Variants in CELF4 observed in about 807,000 individuals in gnomAD.
CELF4 encodes CUG-BP- and ETR-3-like factor 4.
Under a neutral mutation model 59.9 loss-of-function variants are expected in CELF4, and 18 were observed. The observed-to-expected ratio is 0.30, with a 90% CI of 0.21 to 0.45. The LOEUF (loss-of-function observed/expected upper bound fraction) is 0.45. Among genes scored for constraint, CELF4 ranks in the 20% least tolerant of loss-of-function variants. The pLI is 1.00. For missense variants in CELF4, 456 were observed against 689.0 expected (o/e 0.66, Z 3.79); for synonymous variants, 261 against 267.1 (o/e 0.98, Z 0.22).
chr18:37,400,813 T>C (rs768395247), intron 2 of CELF4, among the ~76,000 whole-genome samples: 48 of 152,238 alleles, frequency 3.2e-4, no homozygotes, highest in Admixed American at 2.0e-3. Flanking sequence ...ATGATGTTCT[T>C]TGTTTATGAG....
chr18:37,500,847 C>A (rs778595948), intron 1 of CELF4, among the ~76,000 whole-genome samples: 3 of 152,228 alleles, frequency 2.0e-5, no homozygotes, highest in Non-Finnish European at 2.9e-5. Flanking sequence ...TTCTTTAGAA[C>A]CTTTCTGTGT....
At chr18:37,522,866 C>T (rs2099959180) in intron 1 of CELF4, among the ~76,000 whole-genome samples, 1 of 152,166 alleles carries the variant, frequency 6.6e-6, no homozygotes, top group Admixed American at 6.5e-5. Context: ...TGCATTGTCT[C>T]CTTCCCTACC....
At chr18:37,322,123 C>A (rs2097145698) in intron 2 of CELF4, among the ~76,000 whole-genome samples, 1 of 152,238 alleles carries the variant, frequency 6.6e-6, no homozygotes. Context: ...CTTTGAGATG[C>A]CTCCTCCTCC....
chr18:37,456,549 A>G (rs982564398), intron 2 of CELF4, among the ~76,000 whole-genome samples: 7 of 152,138 alleles, frequency 4.6e-5, no homozygotes, highest in Non-Finnish European at 8.8e-5. Context: ...CATGATGAAC[A>G]TGACTCCCTT....
intron 2 of CELF4, among the ~76,000 whole-genome samples, chr18:37,345,579 GGGCAGACTTTCCTATGGGTGGAGT>G (rs1396943988): frequency 6.6e-6 from 1 of 152,126 alleles, no homozygotes; most frequent in Non-Finnish European, 1.5e-5. Context: ...GGGTGGGGTG[GGGCAGACTTTCCTATGGGTGGAGT>G]GGCAGCCTGG....
chr18:37,258,246 A>AC (rs2071435151), intron 11 of CELF4, among the ~76,000 whole-genome samples: 1 of 151,446 alleles, frequency 6.6e-6, no homozygotes, highest in South Asian at 2.1e-4. Flanking sequence ...TCCACTGCCT[A>AC]CCACACCCCG....
intron 2 of CELF4, among the ~76,000 whole-genome samples, chr18:37,480,468 G>A (rs1253197795): frequency 6.6e-6 from 1 of 152,218 alleles, no homozygotes; most frequent in Non-Finnish European, 1.5e-5. Context: ...TTTAGTTTCT[G>A]TTATCATATC....
In CELF4 at chr18:37,488,040, C is replaced by T. The variant is rs117245585; in HGVS notation, c.287-2433G>A. 8.4e-4 allele frequency among the ~76,000 whole-genome samples: 128 copies of T among 152,064 alleles called. 2 individuals carry two copies. The East Asian group carries it at 0.023, about 27-fold the overall frequency. ...ACTGGTCCCCTCACTACTTCTTAGCCCCCCAGGTGCACTCTGTCTTAGGGT... is the reference window on the plus strand; with the variant it reads ...ACTGGTCCCCTCACTACTTCTTAGCTCCCCAGGTGCACTCTGTCTTAGGGT... On this transcript the variant is annotated intron_variant, in intron 1 of 12. Transcript: ENST00000420428.
intron 1 of CELF4, among the ~76,000 whole-genome samples, chr18:37,564,663 C>G (rs984159185): frequency 2.6e-5 from 4 of 152,054 alleles, no homozygotes; most frequent in Non-Finnish European, 2.9e-5. Flanking sequence ...CCAGACCCCC[C>G]ACTCCACCCA....
At chr18:37,327,631 G>A (rs2097366083) in intron 2 of CELF4, among the ~76,000 whole-genome samples, 1 of 152,184 alleles carries the variant, frequency 6.6e-6, no homozygotes. Context: ...CCTGATGCCT[G>A]CTTAAAGCCA....
intron 2 of CELF4, among the ~76,000 whole-genome samples, chr18:37,440,710 G>A (rs1466980895): frequency 1.3e-5 from 2 of 152,136 alleles, no homozygotes; most frequent in African/African-American, 4.8e-5. Flanking sequence ...GGAGAGCGAG[G>A]ATATTGGCTG....
Position 37,312,984 on chromosome 18 carries a change from C to T in CELF4, c.448+8819G>A, listed in dbSNP as rs2096731020. On this transcript the variant is annotated intron_variant, in intron 3 of 12. Coordinates refer to ENST00000420428, the MANE Select transcript of CELF4 (RefSeq NM_020180.4). ...AGGGGCCACAAGTGGAGCCCACACA[C>T]AGCCCACCTTTCGGAGGCCTCTGTG... Among the ~76,000 whole-genome samples, 3 of 152,350 alleles carry T rather than the reference C, an allele frequency of 2.0e-5. No individual in the cohort carries two copies. The South Asian group carries it at 6.2e-4, about 32-fold the overall frequency.
At chr18:37,257,624 C>T (rs543252982) in intron 11 of CELF4, among the ~76,000 whole-genome samples, 5 of 152,302 alleles carry the variant, frequency 3.3e-5, no homozygotes, top group African/African-American at 4.8e-5. Context: ...CTGGAAACTC[C>T]TTAACATGCG....
chr18:37,453,536 A>AAATCCC (rs2099769877), intron 2 of CELF4, among the ~76,000 whole-genome samples: 1 of 152,144 alleles, frequency 6.6e-6, no homozygotes, highest in Non-Finnish European at 1.5e-5. Context: ...TATGGGATTT[A>AAATCCC]AGAGAAAGGG....
intron 2 of CELF4, among the ~76,000 whole-genome samples, chr18:37,372,868 G>A (rs2098918353): frequency 6.6e-6 from 1 of 152,034 alleles, no homozygotes; most frequent in Non-Finnish European, 1.5e-5. Flanking sequence ...TCTCTGGGTG[G>A]GGCAGGGTCC....
chr18:37,505,766 A>G (rs2099937108), intron 1 of CELF4, among the ~76,000 whole-genome samples: 1 of 152,174 alleles, frequency 6.6e-6, no homozygotes, highest in South Asian at 2.1e-4. Context: ...CAGACTCTAC[A>G]GGGGGATCGA....
At chr18:37,506,666 T>TCCTG (rs751215517) in intron 1 of CELF4, among the ~76,000 whole-genome samples, 15 of 152,140 alleles carry the variant, frequency 9.9e-5, no homozygotes, top group Admixed American at 3.3e-4. Flanking sequence ...CCTGGAATGC[T>TCCTG]CCTGCCTGCC....
intron 3 of CELF4, among the ~76,000 whole-genome samples, chr18:37,309,507 T>C (rs539587398): frequency 2.8e-4 from 43 of 152,044 alleles, no homozygotes; most frequent in Admixed American, 1.6e-3. Flanking sequence ...TTGGTCCCCA[T>C]GTGCCTTGTC....
intron 6 of CELF4, chr18:37,273,419 G>C: frequency 3.3e-6 from 4 of 1,227,138 alleles, no homozygotes; most frequent in Non-Finnish European, 4.1e-6. Flanking sequence ...GCTAGGGGCA[G>C]AGGAGGAGAC....
Sources: gnomAD v4.1 joint callset for allele counts (sites outside exome capture counted in the v4.1 genomes callset) on GRCh38, gnomAD v4.1.1 for gene constraint, MANE v1.5 for transcripts, NCBI Gene and HGNC (gene_info 2026-07-23, HGNC 2026-07-21) for gene names.